The following CHD6 variants were observed in gnomAD, a reference collection of about 807,000 sequenced individuals.
CHD6 encodes chromodomain helicase DNA binding protein 6.
Under a neutral mutation model 276.9 loss-of-function variants are expected in CHD6, and 50 were observed. The ratio of observed to expected loss-of-function variants is 0.18; its 90% CI spans 0.14 to 0.23. CHD6 has a LOEUF of 0.23. CHD6 is among the 10% of genes least tolerant of loss of function. The probability of loss-of-function intolerance (pLI) is 1.00; values close to 1 mark genes in which losing one functional copy is unlikely to be tolerated. For synonymous variants in CHD6, 1,173 were observed against 1,229.3 expected (o/e 0.95, Z 0.96); for missense variants, 2,564 against 3,365.8 (o/e 0.76, Z 5.89).
At chr20:41,520,736 G>A (rs1271093990) in intron 3 of CHD6, among the ~76,000 whole-genome samples, 1 of 151,818 alleles carries the variant, frequency 6.6e-6, no homozygotes, top group Admixed American at 6.6e-5. Context: ...CAAGTTAATG[G>A]ATGCAGCACA....
chr20:41,567,039 C>T (rs954573836), intron 1 of CHD6, among the ~76,000 whole-genome samples: 1 of 152,178 alleles, frequency 6.6e-6, no homozygotes, highest in African/African-American at 2.4e-5. Flanking sequence ...GACAGAATCA[C>T]CAGTTGCTGC....
At chr20:41,504,188 T>C (rs540146909) in intron 5 of CHD6, among the ~76,000 whole-genome samples, 1 of 151,844 alleles carries the variant, frequency 6.6e-6, no homozygotes, top group African/African-American at 2.4e-5. Flanking sequence ...TTCATTCTTT[T>C]TCCTCTATGT....
intron 1 of CHD6, among the ~76,000 whole-genome samples, chr20:41,606,989 C>T (rs1206699299): frequency 6.6e-6 from 1 of 152,134 alleles, no homozygotes; most frequent in East Asian, 1.9e-4. Context: ...CCTCTGATGA[C>T]TCCTCACAGC....
chr20:41,535,583 G>T (rs747739032), intron 2 of CHD6, among the ~76,000 whole-genome samples: 10 of 152,176 alleles, frequency 6.6e-5, no homozygotes, highest in Non-Finnish European at 1.3e-4. Context: ...ATGCAGCCAG[G>T]CATGGTGGTT....
chr20:41,406,772 C>T (rs961846588), intron 36 of CHD6, among the ~76,000 whole-genome samples: 1 of 152,206 alleles, frequency 6.6e-6, no homozygotes, highest in Non-Finnish European at 1.5e-5. Flanking sequence ...CCCTCCACAC[C>T]TCACTGCTAT....
At chr20:41,520,198 T>C (rs529532230) in intron 3 of CHD6, among the ~76,000 whole-genome samples, 88 of 152,208 alleles carry the variant, frequency 5.8e-4, no homozygotes, top group Non-Finnish European at 1.1e-3. Context: ...TGTGGAGAAA[T>C]AGGAACACTT....
chr20:41,502,990 G>A (rs941582863), intron 5 of CHD6, among the ~76,000 whole-genome samples: 5 of 152,212 alleles, frequency 3.3e-5, no homozygotes, highest in African/African-American at 1.2e-4. Context: ...GGGCGACAGA[G>A]TGAGACTCCA....
intron 1 of CHD6, among the ~76,000 whole-genome samples, chr20:41,594,195 T>G (rs145228505): frequency 6.6e-6 from 1 of 152,308 alleles, no homozygotes; most frequent in African/African-American, 2.4e-5. Flanking sequence ...TGTTGGAACC[T>G]TTTTACCTAG....
intron 34 of CHD6, chr20:41,413,779 C>T (rs1390254585): frequency 1.0e-5 from 3 of 286,536 alleles, no homozygotes; most frequent in Non-Finnish European, 1.9e-5. Flanking sequence ...TCCTGACTGC[C>T]GGATTCAGTT....
Position 41,442,281 on chromosome 20 carries a change from C to CA in CHD6, c.3878-2153dup, listed in dbSNP as rs2047924636. On this transcript the variant is annotated intron_variant, in intron 25 of 36. Transcript: ENST00000373233. ...GGCAACATATGAGATCCCCTCTCTA[C>CA]AAAAAATTAAAAAAAAAAAAATTAG... Among the ~76,000 whole-genome samples, 6 of 150,370 alleles carry CA rather than the reference C, an allele frequency of 4.0e-5. No homozygotes were observed. The South Asian group carries it at 8.4e-4, about 21-fold the overall frequency.
intron 17 of CHD6, among the ~76,000 whole-genome samples, chr20:41,471,245 G>A (rs1271366371): frequency 6.6e-6 from 1 of 152,216 alleles, no homozygotes; most frequent in African/African-American, 2.4e-5. Context: ...ACAGGCAGCA[G>A]GCCAAAAGGC....
intron 27 of CHD6, among the ~76,000 whole-genome samples, chr20:41,428,123 TG>T (rs1177763568): frequency 6.6e-6 from 1 of 152,240 alleles, no homozygotes; most frequent in Admixed American, 6.5e-5. Context: ...TAGTAGTTTC[TG>T]TTGGTACAGT....
chr20:41,440,447 C>A (rs533236974), intron 25 of CHD6, among the ~76,000 whole-genome samples: 1 of 152,198 alleles, frequency 6.6e-6, no homozygotes, highest in Admixed American at 6.5e-5. Flanking sequence ...CCATCCTCAA[C>A]TCTGGATACC....
At chr20:41,510,694 G>A (rs1450439455) in intron 5 of CHD6, among the ~76,000 whole-genome samples, 3 of 152,140 alleles carry the variant, frequency 2.0e-5, no homozygotes, top group Non-Finnish European at 4.4e-5. Context: ...CAGGTGCCAG[G>A]GGAGAAGTCA....
Position 41,558,992 on chromosome 20 carries a change from C to T in CHD6, c.-23-7632G>A, listed in dbSNP as rs113155403. Among the ~76,000 whole-genome samples, 1,152 of 152,260 alleles carry T rather than the reference C, an allele frequency of 7.6e-3. 17 individuals are homozygous for T. Among genetic ancestry groups the T allele is most frequent in the African/African-American group, 0.026 (1,090 of 41,528 alleles). On this transcript the variant is annotated intron_variant, in intron 1 of 36. Transcript: ENST00000373233. ...AAAGCTACACCTTTCAGTGGAACAA[C>T]GACTTTAAGTGAAACAACTTAAGGC...
intron 27 of CHD6, among the ~76,000 whole-genome samples, chr20:41,433,541 A>T (rs1413708691): frequency 6.6e-6 from 1 of 152,204 alleles, no homozygotes; most frequent in East Asian, 1.9e-4. Context: ...ATATTAAGAC[A>T]TTCTCAGATG....
At chr20:41,551,510 T>C (rs1568696648) in intron 1 of CHD6, 150 bp from the exon 2 acceptor site, 2 of 547,374 alleles carry the variant, frequency 3.7e-6, no homozygotes, top group Admixed American at 6.6e-5. Context: ...GAGCCGTAAG[T>C]GTACACCTAA....
intron 26 of CHD6, among the ~76,000 whole-genome samples, chr20:41,439,025 C>T (rs2047810289): frequency 6.6e-6 from 1 of 152,186 alleles, no homozygotes; most frequent in Admixed American, 6.5e-5. Context: ...GTATCTGCTA[C>T]TTTTGGGGAG....
intron 3 of CHD6, among the ~76,000 whole-genome samples, chr20:41,516,644 T>C (rs1402451635): frequency 6.6e-6 from 1 of 152,132 alleles, no homozygotes. Context: ...GTGTTTTGGA[T>C]ACATTTAGTA....
Sources: gnomAD v4.1 joint callset for allele counts (sites outside exome capture counted in the v4.1 genomes callset) on GRCh38, gnomAD v4.1.1 for gene constraint, MANE v1.5 for transcripts, NCBI Gene and HGNC (gene_info 2026-07-23, HGNC 2026-07-21) for gene names.